The following ZCCHC7 variants were observed in gnomAD, a reference collection of about 807,000 sequenced individuals.
ZCCHC7 encodes zinc finger CCHC-type containing 7.
ZCCHC7 carries 35 observed loss-of-function variants against 52.0 expected under a neutral mutation model. The observed-to-expected ratio is 0.67, with a 90% CI of 0.51 to 0.89. The LOEUF is 0.89. Ranked by LOEUF, ZCCHC7 falls within the 40% of genes least tolerant of loss-of-function variation. The pLI, the probability that ZCCHC7 is intolerant of heterozygous loss-of-function variation, is 0.00. For synonymous variants in ZCCHC7, 217 were observed against 221.5 expected (o/e 0.98, Z 0.18); for missense variants, 574 against 649.1 (o/e 0.88, Z 1.26).
intron 5 of ZCCHC7, among the ~76,000 whole-genome samples, chr9:37,321,380 C>G (rs1830048710): frequency 6.6e-6 from 1 of 152,148 alleles, no homozygotes; most frequent in Admixed American, 6.5e-5. Context: ...CCTCCCACCT[C>G]AGTCTCCCAA....
rs751972020 is a variant in ZCCHC7 at position 37,153,611 on chromosome 9, CCTTT to C, written c.610+26686_610+26689del. Among the ~76,000 whole-genome samples, 9 of 151,668 alleles carry C rather than the reference CCTTT, an allele frequency of 5.9e-5. No homozygotes were observed. In the East Asian group the frequency reaches 9.7e-4, roughly 16 times the overall value. ...TTAAGGTATGAGCCACTGCACCTGG[CCTTT>C]CTTTCTTTCTTTCTTTTTTTTTTAA... is the stretch of plus-strand genomic sequence containing the variant. On this transcript the variant is annotated intron_variant, in intron 2 of 8. Coordinates refer to ENST00000336755, the MANE Select transcript of ZCCHC7 (RefSeq NM_032226.3).
At chr9:37,225,311 A>T (rs1462959486) in intron 2 of ZCCHC7, among the ~76,000 whole-genome samples, 1 of 152,210 alleles carries the variant, frequency 6.6e-6, no homozygotes, top group Admixed American at 6.5e-5. Context: ...GTTAGATTAA[A>T]ATCTTCCAGT....
chr9:37,209,643 A>C (rs920641924), intron 2 of ZCCHC7, among the ~76,000 whole-genome samples: 1 of 151,934 alleles, frequency 6.6e-6, no homozygotes, highest in African/African-American at 2.4e-5. Context: ...TTTTTGTTTC[A>C]TTTCTGCATC....
chr9:37,179,401 A>G (rs75704732), intron 2 of ZCCHC7, among the ~76,000 whole-genome samples: 6,567 of 152,214 alleles, frequency 0.043, 470 homozygotes, highest in African/African-American at 0.15. Flanking sequence ...ATGCCATTCA[A>G]TCATCTCTGA....
chr9:37,157,331 T>C (rs1820869419), intron 2 of ZCCHC7, among the ~76,000 whole-genome samples: 1 of 151,680 alleles, frequency 6.6e-6, no homozygotes, highest in African/African-American at 2.4e-5. Context: ...ACCCTGTCTC[T>C]AAAAAAAGAA....
intron 7 of ZCCHC7, among the ~76,000 whole-genome samples, chr9:37,351,084 G>A (rs575199526): frequency 7.9e-5 from 12 of 151,968 alleles, no homozygotes; most frequent in East Asian, 1.9e-4. Flanking sequence ...GTAGGGCAAC[G>A]AAGAAAAGTG....
At chr9:37,202,838 T>G (rs1014967714) in intron 2 of ZCCHC7, among the ~76,000 whole-genome samples, 3 of 152,226 alleles carry the variant, frequency 2.0e-5, no homozygotes, top group African/African-American at 2.4e-5. Flanking sequence ...TCCATCACAG[T>G]TTTTAGCACA....
chr9:37,182,946 T>C (rs969431909), intron 2 of ZCCHC7, among the ~76,000 whole-genome samples: 3 of 152,174 alleles, frequency 2.0e-5, no homozygotes, highest in African/African-American at 7.2e-5. Flanking sequence ...TGATTGTACA[T>C]CTGAGTAGCC....
At chr9:37,247,802 A>G (rs1486313000) in intron 2 of ZCCHC7, among the ~76,000 whole-genome samples, 1 of 152,086 alleles carries the variant, frequency 6.6e-6, no homozygotes, top group Non-Finnish European at 1.5e-5. Flanking sequence ...TATAGTCCCA[A>G]CTAAGTAGTT....
chr9:37,336,828 A>G (rs559324994), intron 6 of ZCCHC7, among the ~76,000 whole-genome samples: 1 of 152,156 alleles, frequency 6.6e-6, no homozygotes, highest in African/African-American at 2.4e-5. Flanking sequence ...TCCTGTCTCC[A>G]TGCCTTCATC....
At chr9:37,252,408 A>G (rs1018326013) in intron 2 of ZCCHC7, among the ~76,000 whole-genome samples, 5 of 152,330 alleles carry the variant, frequency 3.3e-5, no homozygotes, top group Admixed American at 2.6e-4. Flanking sequence ...ATAGTGTAAC[A>G]ATCATTGGTC....
chr9:37,134,370 T>C (rs1842915649), intron 2 of ZCCHC7, among the ~76,000 whole-genome samples: 1 of 152,240 alleles, frequency 6.6e-6, no homozygotes. Context: ...TTCCTGTGAA[T>C]TGGTAGTTAG....
chr9:37,340,724 A>G (rs1009601090), intron 6 of ZCCHC7, among the ~76,000 whole-genome samples: 1 of 152,192 alleles, frequency 6.6e-6, no homozygotes, highest in Non-Finnish European at 1.5e-5. Flanking sequence ...GTTAGATCAT[A>G]GTATGAAAAC....
intron 3 of ZCCHC7, among the ~76,000 whole-genome samples, chr9:37,303,318 G>A (rs971549372): frequency 3.3e-5 from 5 of 151,822 alleles, no homozygotes; most frequent in East Asian, 3.9e-4. Context: ...CCAGCTACTC[G>A]GAAGGCTGAG....
At chr9:37,332,741 C>A (rs1348071173) in intron 6 of ZCCHC7, among the ~76,000 whole-genome samples, 1 of 151,124 alleles carries the variant, frequency 6.6e-6, no homozygotes, top group African/African-American at 2.4e-5. Context: ...AAATGAGATT[C>A]TTTTAAAAAT....
chr9:37,163,205 C>A (rs149131527), intron 2 of ZCCHC7, among the ~76,000 whole-genome samples: 7,622 of 150,904 alleles, frequency 0.051, 625 homozygotes, highest in African/African-American at 0.17. Context: ...GTCTCAAAAA[C>A]AAACAAACAA....
chr9:37,269,336 T>C (rs1350711304), intron 2 of ZCCHC7, among the ~76,000 whole-genome samples: 1 of 152,012 alleles, frequency 6.6e-6, no homozygotes, highest in East Asian at 1.9e-4. Flanking sequence ...AAGAGAATGG[T>C]GAGAGGGCCT....
intron 2 of ZCCHC7, among the ~76,000 whole-genome samples, chr9:37,161,002 T>C (rs1281232699): frequency 2.0e-5 from 3 of 150,826 alleles, no homozygotes; most frequent in Non-Finnish European, 4.4e-5. Flanking sequence ...CAGGCTGGAG[T>C]ACAGTGGCAC....
At chr9:37,323,199 C>T (rs985146473) in intron 5 of ZCCHC7, among the ~76,000 whole-genome samples, 2 of 152,158 alleles carry the variant, frequency 1.3e-5, no homozygotes, top group African/African-American at 4.8e-5. Context: ...ATTTTACTAG[C>T]TCTTACAAGG....
Sources: allele counts gnomAD v4.1 joint callset (sites outside exome capture counted in the v4.1 genomes callset), GRCh38; gene constraint gnomAD v4.1.1; transcripts MANE v1.5; gene names NCBI Gene and HGNC (gene_info 2026-07-23, HGNC 2026-07-21).